PAM: variants seen among roughly 807,000 people sequenced by gnomAD.
The protein encoded by PAM is peptidylglycine alpha-amidating monooxygenase.
In PAM, 72 loss-of-function variants were observed where a neutral mutation model predicts 122.1. That is an observed-to-expected ratio of 0.59 (90% confidence interval 0.49 to 0.72). The LOEUF (loss-of-function observed/expected upper bound fraction) is 0.72, where lower values mean the gene tolerates loss of function less well. PAM is among the 30% of genes least tolerant of loss of function. The probability of loss-of-function intolerance (pLI) is 0.00; values close to 1 mark genes in which losing one functional copy is unlikely to be tolerated. For synonymous variants in PAM, 389 were observed against 404.4 expected, an observed-to-expected ratio of 0.96 and a Z score of 0.46; for missense variants, 1,106 against 1,183.7, an observed-to-expected ratio of 0.93 and a Z score of 0.96.
chr5:102,968,462 G>A (rs776177625), intron 14 of PAM, among the ~76,000 whole-genome samples: 3 of 152,082 alleles, frequency 2.0e-5, no homozygotes, highest in African/African-American at 4.8e-5. Context: ...GTATTAAACC[G>A]TATAAAGCAT....
intron 1 of PAM, among the ~76,000 whole-genome samples, chr5:102,767,508 G>T (rs925206278): frequency 5.9e-5 from 9 of 152,156 alleles, no homozygotes; most frequent in African/African-American, 2.2e-4. Context: ...ACCATTTTAA[G>T]TTTCCTAACA....
chr5:102,894,067 C>G (rs374256824), intron 3 of PAM, among the ~76,000 whole-genome samples: 1 of 151,498 alleles, frequency 6.6e-6, no homozygotes, highest in Non-Finnish European at 1.5e-5. Flanking sequence ...TGCTATGTAC[C>G]ATTGCTGCAG....
At chr5:102,819,148 G>A (rs1231069883) in intron 1 of PAM, among the ~76,000 whole-genome samples, 1 of 152,124 alleles carries the variant, frequency 6.6e-6, no homozygotes, top group East Asian at 1.9e-4. Context: ...AACAGATCCT[G>A]AAACCCTCCA....
chr5:102,877,815 G>A (rs890060148), intron 3 of PAM, among the ~76,000 whole-genome samples: 1 of 152,010 alleles, frequency 6.6e-6, no homozygotes, highest in Non-Finnish European at 1.5e-5. Context: ...ATTGCATGAG[G>A]CCAGGAGTTT....
intron 3 of PAM, among the ~76,000 whole-genome samples, chr5:102,882,368 C>T: frequency 6.6e-6 from 1 of 151,494 alleles, no homozygotes. Flanking sequence ...TTTTTTACCA[C>T]ATCCACACCA....
At position 103,029,665 on chromosome 5, in the gene PAM, T is replaced by C. The variant is rs1184872581; in HGVS notation, c.*600T>C. The C allele has an allele frequency of 6.6e-6, 1 of 152,630 alleles. No homozygotes were observed. The highest frequency in any genetic ancestry group is 1.5e-5 in the Non-Finnish European group (1 of 68,034). The allele number at this position is 152,630 out of a possible 1,614,324, so 9.5% of individuals were successfully genotyped here. A position where few individuals can be genotyped will look rare whatever the true frequency, so the allele number is the denominator to read the frequency against. ...TTAGATGGTTACACTGTTAGAACAC[T>C]ATTTTCAGAATCTGAATGTAATTTG... On this transcript the variant is annotated 3_prime_UTR_variant, in exon 26 of 26. Coordinates refer to ENST00000438793, the MANE Select transcript of PAM (RefSeq NM_001177306.2).
chr5:102,940,221 G>A (rs910595639), intron 7 of PAM, among the ~76,000 whole-genome samples: 2 of 151,058 alleles, frequency 1.3e-5, no homozygotes, highest in African/African-American at 4.9e-5. Flanking sequence ...AATTTTATAC[G>A]AGAAATAGTT....
At chr5:102,782,721 CTCTCTGTG>C (rs914890930) in intron 1 of PAM, among the ~76,000 whole-genome samples, 3 of 144,912 alleles carry the variant, frequency 2.1e-5, no homozygotes, top group African/African-American at 8.1e-5. Flanking sequence ...CTCTCTCTCT[CTCTCTGTG>C]TGTGTGTGTG....
At chr5:102,848,166 CT>C (rs140402750) in intron 1 of PAM, among the ~76,000 whole-genome samples, 48 of 149,366 alleles carry the variant, frequency 3.2e-4, no homozygotes, top group East Asian at 1.4e-3. Flanking sequence ...CTTTCTTCCT[CT>C]TTTTTTTTTC....
At chr5:102,756,411 T>G (rs1414021714) in intron 1 of PAM, among the ~76,000 whole-genome samples, 1 of 152,184 alleles carries the variant, frequency 6.6e-6, no homozygotes, top group South Asian at 2.1e-4. Context: ...TCATAGAAAT[T>G]CAAGTAGAAG....
intron 15 of PAM, among the ~76,000 whole-genome samples, chr5:102,976,486 C>A (rs1056376155): frequency 6.6e-6 from 1 of 151,866 alleles, no homozygotes; most frequent in African/African-American, 2.4e-5. Flanking sequence ...ATGTCTAGTC[C>A]TCAGGGTATA....
chr5:103,018,839 G>A (rs1449741453), intron 22 of PAM, among the ~76,000 whole-genome samples: 2 of 152,140 alleles, frequency 1.3e-5, no homozygotes, highest in East Asian at 3.9e-4. Context: ...CAGTTTCATG[G>A]AAGACAATTT....
chr5:102,804,010 A>G (rs966758299), intron 1 of PAM, among the ~76,000 whole-genome samples: 3 of 152,030 alleles, frequency 2.0e-5, no homozygotes, highest in Non-Finnish European at 4.4e-5. Flanking sequence ...GGTAGGGAGG[A>G]GAAACAGGAG....
intron 14 of PAM, 148 bp from the exon 15 acceptor site, chr5:102,973,968 T>C: frequency 3.6e-6 from 2 of 561,124 alleles, no homozygotes; most frequent in Non-Finnish European, 6.3e-6. Context: ...ATTTTTCTTT[T>C]TTTTCCTCCT....
At chr5:102,983,795 A>C (rs1236237095) in intron 15 of PAM, among the ~76,000 whole-genome samples, 2 of 152,244 alleles carry the variant, frequency 1.3e-5, no homozygotes, top group Non-Finnish European at 2.9e-5. Flanking sequence ...AGAGTAAAGC[A>C]TCAAGTCACA....
At chr5:102,828,826 C>T (rs1330611465) in intron 1 of PAM, among the ~76,000 whole-genome samples, 1 of 151,708 alleles carries the variant, frequency 6.6e-6, no homozygotes, top group Admixed American at 6.6e-5. Context: ...ACTATGTAAT[C>T]TCCAAAGTAG....
chr5:102,825,839 C>T (rs559217811), intron 1 of PAM, among the ~76,000 whole-genome samples: 1 of 152,176 alleles, frequency 6.6e-6, no homozygotes, highest in African/African-American at 2.4e-5. Context: ...CAGATCAATA[C>T]CCCATCTCTA....
chr5:102,846,707 C>G (rs1317747781), intron 1 of PAM, among the ~76,000 whole-genome samples: 2 of 152,178 alleles, frequency 1.3e-5, no homozygotes, highest in East Asian at 3.8e-4. Context: ...TAAGGTTGGT[C>G]ACGTGCTGTC....
intron 1 of PAM, among the ~76,000 whole-genome samples, chr5:102,802,978 C>T (rs1036309582): frequency 1.3e-5 from 2 of 151,976 alleles, no homozygotes; most frequent in African/African-American, 4.8e-5. Context: ...TAAAAAATTG[C>T]CAGGTGTGGT....
Sources: gnomAD v4.1 joint callset for allele counts (sites outside exome capture counted in the v4.1 genomes callset) on GRCh38, gnomAD v4.1.1 for gene constraint, MANE v1.5 for transcripts, NCBI Gene and HGNC (gene_info 2026-07-23, HGNC 2026-07-21) for gene names.